Variants in SOX5 observed in about 807,000 individuals in gnomAD.
SOX5 encodes SRY-box transcription factor 5.
In SOX5, 9 loss-of-function variants were observed where a neutral mutation model predicts 92.0. The ratio of observed to expected loss-of-function variants is 0.10; its 90% CI spans 0.06 to 0.17. The LOEUF (loss-of-function observed/expected upper bound fraction) is 0.17. SOX5 is among the 10% of genes least tolerant of loss of function. SOX5 has a pLI of 1.00. For synonymous variants in SOX5, 344 were observed against 336.3 expected (o/e 1.02, Z -0.25); for missense variants, 642 against 944.5 (o/e 0.68, Z 4.20).
intron 1 of SOX5, among the ~76,000 whole-genome samples, chr12:24,535,678 C>T (rs894744716): frequency 6.6e-6 from 1 of 152,176 alleles, no homozygotes; most frequent in African/African-American, 2.4e-5. Flanking sequence ...GTTGCTAGAG[C>T]ATGAAGTATG....
At chr12:23,952,169 G>A (rs1945743059), upstream of SOX5, among the ~76,000 whole-genome samples, 3 of 152,104 alleles carry the variant, frequency 2.0e-5, no homozygotes, top group African/African-American at 7.2e-5. Flanking sequence ...GAGGATGGGT[G>A]AGTTACAGGG....
intron 4 of SOX5, among the ~76,000 whole-genome samples, chr12:24,181,061 C>G (rs572882551): frequency 6.6e-6 from 1 of 152,236 alleles, no homozygotes; most frequent in South Asian, 2.1e-4. Flanking sequence ...TGTCTACATC[C>G]CCTGCTTCTC....
At chr12:24,035,782 G>A (rs556934837) in intron 4 of SOX5, among the ~76,000 whole-genome samples, 5 of 151,946 alleles carry the variant, frequency 3.3e-5, no homozygotes, top group African/African-American at 7.2e-5. Context: ...CCCTGCTGCC[G>A]TCCCCTTCTC....
At chr12:24,008,890 G>A (rs1952611357) in intron 4 of SOX5, among the ~76,000 whole-genome samples, 1 of 152,106 alleles carries the variant, frequency 6.6e-6, no homozygotes. Flanking sequence ...CCCATAAAAT[G>A]CAGCAGAAAT....
chr12:23,799,711 G>T (rs2095628043), intron 3 of SOX5, among the ~76,000 whole-genome samples: 2 of 151,784 alleles, frequency 1.3e-5, no homozygotes, highest in African/African-American at 4.8e-5. Context: ...ACACAATAAA[G>T]AAAATATTTT....
At chr12:23,923,626 G>A (rs564638836) in intron 1 of SOX5, among the ~76,000 whole-genome samples, 116 of 152,050 alleles carry the variant, frequency 7.6e-4, no homozygotes, top group African/African-American at 2.5e-3. Flanking sequence ...TGCAATCCCC[G>A]CCCCAAGCTC....
intron 4 of SOX5, among the ~76,000 whole-genome samples, chr12:24,075,193 C>T (rs1942390516): frequency 6.8e-6 from 1 of 147,548 alleles, no homozygotes; most frequent in Non-Finnish European, 1.5e-5. Context: ...TGCTTGAGCC[C>T]AAAACTTTGA....
chr12:24,054,226 C>T (rs563294031), intron 4 of SOX5, among the ~76,000 whole-genome samples: 4 of 152,238 alleles, frequency 2.6e-5, no homozygotes, highest in South Asian at 2.1e-4. Context: ...TATATAAGAG[C>T]GATTAAAGTA....
intron 1 of SOX5, among the ~76,000 whole-genome samples, chr12:24,503,710 C>A (rs1247745240): frequency 2.0e-5 from 3 of 152,128 alleles, no homozygotes; most frequent in Non-Finnish European, 4.4e-5. Flanking sequence ...TCATTCTCAG[C>A]AAACTAACTC....
intron 4 of SOX5, among the ~76,000 whole-genome samples, chr12:24,207,319 C>A (rs1399295330): frequency 6.6e-6 from 1 of 151,780 alleles, no homozygotes; most frequent in African/African-American, 2.4e-5. Flanking sequence ...GGATCTAAAT[C>A]AATCAATATT....
chr12:23,915,181 T>C (rs972063762), intron 1 of SOX5, among the ~76,000 whole-genome samples: 2 of 152,098 alleles, frequency 1.3e-5, no homozygotes, highest in African/African-American at 4.8e-5. Flanking sequence ...AATGAGTACA[T>C]ATAGAAACAT....
intron 2 of SOX5, among the ~76,000 whole-genome samples, chr12:24,354,377 G>C (rs943591058): frequency 2.6e-5 from 4 of 152,380 alleles, no homozygotes; most frequent in East Asian, 3.9e-4. Flanking sequence ...TGCAGAAGGT[G>C]GGGGAGAAGG....
At chr12:23,534,819 C>G (rs1939934409) in intron 14 of SOX5, among the ~76,000 whole-genome samples, 1 of 151,442 alleles carries the variant, frequency 6.6e-6, no homozygotes, top group Admixed American at 6.6e-5. Flanking sequence ...AAGCGATTCT[C>G]CTGCCTCAGC....
Position 24,497,862 on chromosome 12 carries a change from T to A in SOX5, c.-251+64467A>T, listed in dbSNP as rs1028696650. ...GGTACATATGCACCATGGCATACTATGCAGCCATAAAAAGAATGAGATCAT... is the reference window on the plus strand; with the variant it reads ...GGTACATATGCACCATGGCATACTAAGCAGCCATAAAAAGAATGAGATCAT... On this transcript the variant is annotated intron_variant, in intron 1 of 4. Transcript: ENST00000446891. Among the ~76,000 whole-genome samples the A allele has an allele frequency of 3.9e-5, 6 of 152,310 alleles. No homozygotes were observed. In the South Asian group the frequency reaches 1.2e-3, roughly 32 times the overall value.
intron 1 of SOX5, among the ~76,000 whole-genome samples, chr12:23,912,600 T>C (rs7966937): frequency 0.041 from 6,245 of 152,168 alleles, 376 homozygotes; most frequent in African/African-American, 0.13. Context: ...ATCTGTTAAA[T>C]GATGAATGAA....
rs530425207 is a variant in SOX5 at position 24,197,405 on chromosome 12, A to T, written c.-2+15938T>A. Among the ~76,000 whole-genome samples the T allele has an allele frequency of 3.9e-5, 6 of 152,326 alleles. No homozygotes were observed. The East Asian group carries it at 5.8e-4, about 15-fold the overall frequency. On this transcript the variant is annotated intron_variant, in intron 4 of 4. Coordinates refer to the SOX5 transcript ENST00000446891. Reference sequence around the variant, plus strand: ...TTTATGGTTGACTTTAAATTAAAAAAATATATATTCTCTATCCCTATTTTT... The same window carrying T: ...TTTATGGTTGACTTTAAATTAAAAATATATATATTCTCTATCCCTATTTTT...
At chr12:23,994,965 T>C (rs1380893243) in intron 4 of SOX5, among the ~76,000 whole-genome samples, 1 of 152,198 alleles carries the variant, frequency 6.6e-6, no homozygotes, top group African/African-American at 2.4e-5. Context: ...TATAAAAATA[T>C]GGCTATTACC....
At chr12:24,030,341 A>T (rs1955360217) in intron 4 of SOX5, among the ~76,000 whole-genome samples, 1 of 151,942 alleles carries the variant, frequency 6.6e-6, no homozygotes, top group Non-Finnish European at 1.5e-5. Context: ...CTGGCATAAA[A>T]ACAGACACGT....
At chr12:24,467,874 T>C (rs1944393211) in intron 1 of SOX5, among the ~76,000 whole-genome samples, 1 of 152,184 alleles carries the variant, frequency 6.6e-6, no homozygotes, top group African/African-American at 2.4e-5. Flanking sequence ...GCATCTGCTT[T>C]TACTCCATGC....
Sources: gnomAD v4.1 joint callset for allele counts (sites outside exome capture counted in the v4.1 genomes callset) on GRCh38, gnomAD v4.1.1 for gene constraint, MANE v1.5 for transcripts, NCBI Gene and HGNC (gene_info 2026-07-23, HGNC 2026-07-21) for gene names.